SRGAP3: variants seen among roughly 807,000 people sequenced by gnomAD.
SRGAP3 encodes the protein SLIT-ROBO Rho GTPase activating protein 3.
In SRGAP3, 39 loss-of-function variants were observed where a neutral mutation model predicts 121.1. The observed-to-expected ratio is 0.32, with a 90% CI of 0.25 to 0.42. The LOEUF (loss-of-function observed/expected upper bound fraction) is 0.42, where lower values mean the gene tolerates loss of function less well. Among genes scored for constraint, SRGAP3 ranks in the 10% least tolerant of loss-of-function variants. SRGAP3 has a pLI of 1.00. For synonymous variants in SRGAP3, 601 were observed against 570.0 expected (o/e 1.05, Z -0.77); for missense variants, 1,213 against 1,470.6 (o/e 0.82, Z 2.86).
intron 1 of SRGAP3, chr3:9,348,816 T>C (rs2029893909): frequency 1.5e-6 from 2 of 1,366,736 alleles, no homozygotes; most frequent in Non-Finnish European, 2.1e-6. Context: ...CCACCTCTAA[T>C]GGAGCCCGAC....
At chr3:9,098,136 C>T (rs1423167934) in intron 3 of SRGAP3, among the ~76,000 whole-genome samples, 1 of 152,162 alleles carries the variant, frequency 6.6e-6, no homozygotes, top group Non-Finnish European at 1.5e-5. Flanking sequence ...TCTGAACAAA[C>T]TTCTGTGGTG....
At chr3:9,150,379 C>T (rs996900956) in intron 1 of SRGAP3, among the ~76,000 whole-genome samples, 2 of 152,004 alleles carry the variant, frequency 1.3e-5, no homozygotes, top group African/African-American at 4.8e-5. Context: ...GAGGCCAGCA[C>T]CGAGAAGACC....
intron 1 of SRGAP3, among the ~76,000 whole-genome samples, chr3:9,197,628 A>T (rs911258387): frequency 1.3e-5 from 2 of 152,214 alleles, no homozygotes; most frequent in Non-Finnish European, 2.9e-5. Flanking sequence ...CCAGAAGACC[A>T]TGTAACTTGT....
At chr3:9,263,394 A>G (rs575208333) in intron 3 of SRGAP3, among the ~76,000 whole-genome samples, 2 of 149,600 alleles carry the variant, frequency 1.3e-5, no homozygotes, top group East Asian at 3.9e-4. Context: ...AGACAGAGAC[A>G]TGAAAAACCC....
At chr3:9,324,215 T>C (rs1955480107) in intron 3 of SRGAP3, among the ~76,000 whole-genome samples, 1 of 151,976 alleles carries the variant, frequency 6.6e-6, no homozygotes, top group Admixed American at 6.5e-5. Flanking sequence ...GTCTGACTAT[T>C]AAGCTAGGTT....
intron 1 of SRGAP3, among the ~76,000 whole-genome samples, chr3:9,212,743 C>T (rs1042066764): frequency 2.0e-5 from 3 of 152,208 alleles, no homozygotes; most frequent in Non-Finnish European, 4.4e-5. Flanking sequence ...GCTGGAATGA[C>T]TTCTGCTAGA....
intron 1 of SRGAP3, among the ~76,000 whole-genome samples, chr3:9,211,834 C>A (rs1219419320): frequency 1.4e-5 from 2 of 146,394 alleles, no homozygotes; most frequent in South Asian, 2.2e-4. Flanking sequence ...CATCAACATG[C>A]CCAGCTAATT....
intron 6 of SRGAP3, 104 bp from the exon 7 acceptor site, chr3:9,058,576 G>A (rs865974617): frequency 2.2e-5 from 27 of 1,230,054 alleles, no homozygotes; most frequent in Admixed American, 1.5e-4. Flanking sequence ...TTCCACAGCC[G>A]AATCTTCCAT....
Position 9,141,553 on chromosome 3 carries a change from G to T in SRGAP3, c.68-16636C>A, listed in dbSNP as rs73811439. On this transcript the variant is annotated intron_variant, in intron 1 of 21. Transcript: ENST00000383836. Reference sequence around the variant, plus strand: ...GAAACAAGAAGGATCTGACTTCAGGGGTGTGTGTGTGTGTGTGTGTGTGTG... The same window carrying T: ...GAAACAAGAAGGATCTGACTTCAGGTGTGTGTGTGTGTGTGTGTGTGTGTG... 5.2e-3 allele frequency among the ~76,000 whole-genome samples: 714 copies of T among 138,432 alleles called. 11 individuals carry two copies. The highest frequency in any genetic ancestry group is 0.016 in the African/African-American group (584 of 36,438). The allele number at this position is 138,432 out of a possible 152,430, so 90.8% of individuals were successfully genotyped here.
At chr3:9,245,898 T>C (rs1355909715) in intron 1 of SRGAP3, among the ~76,000 whole-genome samples, 3 of 152,142 alleles carry the variant, frequency 2.0e-5, no homozygotes, top group African/African-American at 7.2e-5. Flanking sequence ...CATTCCAGCC[T>C]GGACGACACA....
chr3:9,023,100 G>A (rs143552441), intron 14 of SRGAP3, among the ~76,000 whole-genome samples: 74 of 152,168 alleles, frequency 4.9e-4, no homozygotes, highest in Admixed American at 1.7e-3. Flanking sequence ...AGAATATGGA[G>A]AGGCAGGGAA....
At chr3:9,248,660 G>C (rs73021237) in intron 1 of SRGAP3, among the ~76,000 whole-genome samples, 17,453 of 152,100 alleles carry the variant, frequency 0.11, 1,106 homozygotes, top group South Asian at 0.17. Context: ...GCAATGCAGA[G>C]ACTGCTGCCC....
chr3:9,326,615 C>T (rs960153722), intron 2 of SRGAP3, among the ~76,000 whole-genome samples: 1 of 151,716 alleles, frequency 6.6e-6, no homozygotes, highest in Admixed American at 6.6e-5. Context: ...CTCTCGAATG[C>T]CAGTTGCTTC....
At chr3:9,041,009 C>A (rs752995205) in intron 10 of SRGAP3, among the ~76,000 whole-genome samples, 1 of 152,190 alleles carries the variant, frequency 6.6e-6, no homozygotes, top group Non-Finnish European at 1.5e-5. Flanking sequence ...ATATGCTCAA[C>A]AAATATTTGT....
chr3:9,361,129 G>T (rs2030788736), intron 1 of SRGAP3, among the ~76,000 whole-genome samples: 1 of 152,182 alleles, frequency 6.6e-6, no homozygotes, highest in East Asian at 1.9e-4. Flanking sequence ...TTGAGACAAG[G>T]TCTCACTCTG....
At chr3:9,354,281 G>T (rs1329994609) in intron 1 of SRGAP3, among the ~76,000 whole-genome samples, 1 of 152,178 alleles carries the variant, frequency 6.6e-6, no homozygotes, top group Non-Finnish European at 1.5e-5. Flanking sequence ...ACGAAAAGCA[G>T]AAGTGGCTAA....
chr3:9,207,810 T>G (rs1952316140), intron 1 of SRGAP3, among the ~76,000 whole-genome samples: 1 of 152,250 alleles, frequency 6.6e-6, no homozygotes, highest in Admixed American at 6.5e-5. Flanking sequence ...AGAGCTATCA[T>G]CTCACAGTAA....
chr3:9,125,961 TC>T (rs1341548125), intron 1 of SRGAP3, among the ~76,000 whole-genome samples: 1 of 152,160 alleles, frequency 6.6e-6, no homozygotes, highest in Non-Finnish European at 1.5e-5. Flanking sequence ...TTCAAGCCAG[TC>T]CTTGGAATAT....
intron 3 of SRGAP3, among the ~76,000 whole-genome samples, chr3:9,259,446 C>T (rs1209458149): frequency 6.6e-6 from 1 of 152,072 alleles, no homozygotes; most frequent in East Asian, 1.9e-4. Flanking sequence ...CCAGGTGTGA[C>T]CTGAAACACC....
Sources: allele counts gnomAD v4.1 joint callset (sites outside exome capture counted in the v4.1 genomes callset), GRCh38; gene constraint gnomAD v4.1.1; transcripts MANE v1.5; gene names NCBI Gene and HGNC (gene_info 2026-07-23, HGNC 2026-07-21).